Variants in AKR1C2 observed in about 807,000 individuals in gnomAD.
AKR1C2 encodes the protein aldo-keto reductase family 1 member C2.
A neutral mutation model predicts 39.8 loss-of-function variants in AKR1C2; 27 were observed. That is an observed-to-expected ratio of 0.68 (90% CI 0.50 to 0.93). The LOEUF (loss-of-function observed/expected upper bound fraction) is 0.93. AKR1C2 is among the 40% of genes least tolerant of loss of function. The pLI is 0.00. For missense variants in AKR1C2, 263 were observed against 365.1 expected, an observed-to-expected ratio of 0.72 and a Z score of 2.28; for synonymous variants, 114 against 137.9, an observed-to-expected ratio of 0.83 and a Z score of 1.22.
intron 1 of AKR1C2, chr10:5,015,008 T>A (rs1340498730): frequency 6.6e-6 from 1 of 152,236 alleles, no homozygotes; most frequent in Non-Finnish European, 1.5e-5. Context: ...AGAGTCACTA[T>A]AGCCTAGACA....
intron 5 of AKR1C2, 122 bp downstream of exon 5, chr10:4,998,503 G>A: frequency 6.6e-7 from 1 of 1,525,018 alleles, no homozygotes; most frequent in East Asian, 2.3e-5. Flanking sequence ...CTAGGAAGAG[G>A]CTTTGTTCTC....
chr10:4,994,075 T>C (rs1216017045), intron 7 of AKR1C2, among the ~76,000 whole-genome samples: 4 of 151,662 alleles, frequency 2.6e-5, no homozygotes, highest in Non-Finnish European at 5.9e-5. Context: ...TTACTTAATG[T>C]TTTAGTAAAT....
chr10:5,011,253 A>G (rs1159236837), intron 1 of AKR1C2, among the ~76,000 whole-genome samples: 1 of 152,212 alleles, frequency 6.6e-6, no homozygotes, highest in Non-Finnish European at 1.5e-5. Context: ...GGCACTTGGT[A>G]TCTGCCCACT....
chr10:4,990,375 A>G (rs2131667623), intron 8 of AKR1C2, among the ~76,000 whole-genome samples: 1 of 152,318 alleles, frequency 6.6e-6, no homozygotes, highest in East Asian at 1.9e-4. Flanking sequence ...AATTCTCACT[A>G]AAAACAGGAA....
chr10:5,000,493 A>T, intron 3 of AKR1C2, 57 bp downstream of exon 3: 1 of 1,613,696 alleles, frequency 6.2e-7, no homozygotes, highest in South Asian at 1.1e-5. Flanking sequence ...TCTCCATGAA[A>T]ACAATATTTA....
At chr10:5,007,787 C>A (rs1361141272), upstream of AKR1C2, among the ~76,000 whole-genome samples, 1 of 151,714 alleles carries the variant, frequency 6.6e-6, no homozygotes, top group South Asian at 2.1e-4. Context: ...CCTGTAAAAT[C>A]AAAAACAAGT....
In AKR1C2 at chr10:4,989,119, T is replaced by G. The variant is rs186923061; in HGVS notation, c.*877A>C. On this transcript the variant is annotated 3_prime_UTR_variant, in exon 9 of 9. Transcript: ENST00000380753. ...ATATAACAAATGAACAGTACATTTT[T>G]ACAATCTAAGAATATTTTCTAAATA... 6.6e-6 allele frequency: 1 copy of G among 152,318 alleles called. No homozygotes were observed. The highest frequency in any genetic ancestry group is 2.4e-5 in the African/African-American group (1 of 41,562). 9.4% of individuals were successfully genotyped at this position (152,318 alleles called of 1,614,324 possible). A position where few individuals can be genotyped will look rare whatever the true frequency, so the allele number is the denominator to read the frequency against.
rs112849607 is a variant in AKR1C2, at chr10:5,001,996, A to G, written c.85-315T>C. 3.4e-3 allele frequency among the ~76,000 whole-genome samples: 518 copies of G among 152,246 alleles called. 3 individuals carry two copies. Among genetic ancestry groups the G allele is most frequent in the African/African-American group, 0.012 (497 of 41,548 alleles). ...AACTATAGTTACAGACATAATCTTAATTATTTTTAGTATGGTGAAATTAAC... is the reference window on the plus strand; with the variant it reads ...AACTATAGTTACAGACATAATCTTAGTTATTTTTAGTATGGTGAAATTAAC... On this transcript the variant is annotated intron_variant, in intron 1 of 8. Coordinates refer to ENST00000380753, the MANE Select transcript of AKR1C2 (RefSeq NM_001393392.1).
In AKR1C2 at chr10:4,989,028, T is replaced by C. The variant is rs1836750890; in HGVS notation, c.*968A>G. The C allele has an allele frequency of 6.6e-6, 1 of 152,238 alleles. No homozygotes were observed. The highest frequency in any genetic ancestry group is 1.9e-4 in the East Asian group (1 of 5,202). 9.4% of individuals were successfully genotyped at this position (152,238 alleles called of 1,614,324 possible). ...TCTTGAGTGCCATGCATAATGGCTT[T>C]GGGATATTTATGTTTTATACTTGTA... On this transcript the variant is annotated 3_prime_UTR_variant, in exon 9 of 9. Coordinates refer to ENST00000380753, the MANE Select transcript of AKR1C2 (RefSeq NM_001393392.1).
At position 4,998,525 on chromosome 10, in the gene AKR1C2, C is replaced by A. The variant is rs150076350; in HGVS notation, c.570+100G>T. ...GAGGCTTTGTTCTCTAGAATCTTCT[C>A]TTTTACAAAGATAAGTGGGACTAAA... On this transcript the variant is annotated intron_variant, in intron 5 of 8. Transcript: ENST00000380753. 281 of 1,552,234 alleles carry A rather than the reference C, an allele frequency of 1.8e-4. 1 individual carries two copies. In the East Asian group the frequency reaches 5.7e-3, roughly 32 times the overall value.
At chr10:5,001,454 G>T (rs1837269718) in intron 2 of AKR1C2, 60 bp downstream of exon 2, 13 of 1,562,792 alleles carry the variant, frequency 8.3e-6, no homozygotes, top group Admixed American at 1.9e-5. Flanking sequence ...TCATAGAACT[G>T]CCACCTCCAC....
At position 4,998,741 on chromosome 10, in the gene AKR1C2, C is replaced by G; in HGVS notation, c.454G>C (p.Glu152Gln). 1 of 1,614,084 alleles carries G rather than the reference C, an allele frequency of 6.2e-7. No individual in the cohort carries two copies. The highest frequency in any genetic ancestry group is 8.5e-7 in the Non-Finnish European group (1 of 1,180,020). Reference sequence around the variant, plus strand: ...GCCAATCCTGCATCTTTACACTTCTCCATGGCCTGGGAAAAAGGAATTGTG... The same window carrying G: ...GCCAATCCTGCATCTTTACACTTCTGCATGGCCTGGGAAAAAGGAATTGTG... ...VDLCATWEAMEKCKDAGLAKS... is the reference protein window; with the variant it reads ...VDLCATWEAMQKCKDAGLAKS... Residue 152 changes from glutamate to glutamine, a missense_variant, in exon 5 of 9, where the codon GAG (glutamate) becomes CAG (glutamine). This residue lies in a region of AKR1C2 where 247 missense variants were observed against 267.9 expected (regional missense o/e 0.92). Coordinates refer to ENST00000380753, the MANE Select transcript of AKR1C2 (RefSeq NM_001393392.1).
At position 4,999,900 on chromosome 10, in the gene AKR1C2, T is replaced by G. The variant is rs567639241; in HGVS notation, c.370-623A>C. ...GTGGAGAAAGGATATATTTTTAGAG[T>G]TTTTATCAAATTCTTAATGTAGCCC... On this transcript the variant is annotated intron_variant, in intron 3 of 8. Coordinates refer to ENST00000380753, the MANE Select transcript of AKR1C2 (RefSeq NM_001393392.1). 2.6e-4 allele frequency: 236 copies of G among 902,832 alleles called. 1 individual carries two copies. In the Middle Eastern group the frequency reaches 4.5e-3, roughly 17 times the overall value. The allele number at this position is 902,832 out of a possible 1,614,324, so 55.9% of individuals were successfully genotyped here.
intron 5 of AKR1C2, chr10:4,997,141 T>G (rs2131687513): frequency 6.6e-6 from 1 of 152,588 alleles, no homozygotes; most frequent in Non-Finnish European, 1.5e-5. Context: ...CAGTCTAGTG[T>G]CGTGCAATTT....
chr10:5,007,065 C>A (rs1427061321), upstream of AKR1C2, among the ~76,000 whole-genome samples: 1 of 147,800 alleles, frequency 6.8e-6, no homozygotes, highest in Non-Finnish European at 1.5e-5. Flanking sequence ...AGCCACTGCA[C>A]CCAGCCAAAT....
chr10:5,008,654 A>G (rs117716042), upstream of AKR1C2, among the ~76,000 whole-genome samples: 1,568 of 150,086 alleles, frequency 0.01, no homozygotes, highest in East Asian at 0.031. Flanking sequence ...AGAGGGAGGA[A>G]AGCAGATGGA....
intron 2 of AKR1C2, among the ~76,000 whole-genome samples, 198 bp from the exon 3 acceptor site, chr10:5,000,864 C>T (rs868961208): frequency 1.8e-4 from 27 of 152,198 alleles, no homozygotes; most frequent in South Asian, 1.2e-3. Context: ...ATAGTTAGTA[C>T]ATATATTGAA....
At chr10:4,998,842 G>GT in intron 4 of AKR1C2, 95 bp from the exon 5 acceptor site, 1 of 1,547,294 alleles carries the variant, frequency 6.5e-7, no homozygotes, top group Non-Finnish European at 8.7e-7. Context: ...CTGTCTAGAC[G>GT]TGACAATCAA....
chr10:4,991,178 C>T (rs373333938), intron 8 of AKR1C2, among the ~76,000 whole-genome samples: 2 of 151,314 alleles, frequency 1.3e-5, no homozygotes, highest in African/African-American at 2.5e-5. Flanking sequence ...GATTTTAACA[C>T]TTCCTCATTC....
Sources: allele counts gnomAD v4.1 joint callset (sites outside exome capture counted in the v4.1 genomes callset), GRCh38; gene constraint gnomAD v4.1.1; regional missense constraint gnomAD v4.1.1; transcripts MANE v1.5; gene names NCBI Gene and HGNC (gene_info 2026-07-23, HGNC 2026-07-21).